The following SSBP3 variants were observed in gnomAD, a reference collection of about 807,000 sequenced individuals.
SSBP3 encodes the protein single stranded DNA binding protein 3.
Under a neutral mutation model 69.6 loss-of-function variants are expected in SSBP3, and 5 were observed. The ratio of observed to expected loss-of-function variants is 0.07; its 90% confidence interval spans 0.04 to 0.15. The LOEUF is 0.15. Among genes scored for constraint, SSBP3 ranks in the 10% least tolerant of loss-of-function variants. The pLI is 1.00. For synonymous variants in SSBP3, 196 were observed against 193.4 expected (o/e 1.01, Z -0.11); for missense variants, 312 against 534.0 (o/e 0.58, Z 4.10).
At chr1:54,272,711 GGCAGAGCAGCTTCCAGGCAC>G (rs1415767641) in intron 5 of SSBP3, among the ~76,000 whole-genome samples, 2 of 152,204 alleles carry the variant, frequency 1.3e-5, no homozygotes, top group Middle Eastern at 3.2e-3. Flanking sequence ...GCCGACCTGC[GGCAGAGCAGCTTCCAGGCAC>G]AGGGAAAAAT....
At chr1:54,289,375 G>A (rs1489684297) in intron 4 of SSBP3, among the ~76,000 whole-genome samples, 2 of 149,794 alleles carry the variant, frequency 1.3e-5, no homozygotes, top group Admixed American at 1.3e-4. Context: ...CTGAGAGGAG[G>A]AGAAACAAGG....
chr1:54,327,274 CAACAACAAG>C (rs1646327123), intron 4 of SSBP3, among the ~76,000 whole-genome samples: 1 of 118,350 alleles, frequency 8.4e-6, no homozygotes, highest in Non-Finnish European at 1.8e-5. Flanking sequence ...GGAAGGAAAA[CAACAACAAG>C]AACAACAACA....
intron 4 of SSBP3, among the ~76,000 whole-genome samples, chr1:54,281,832 C>T (rs982097344): frequency 3.3e-5 from 5 of 152,060 alleles, no homozygotes; most frequent in African/African-American, 4.8e-5. Flanking sequence ...TGTGGTGGCT[C>T]ACAACTAAAA....
chr1:54,244,084 C>G (rs1196245991), intron 9 of SSBP3, among the ~76,000 whole-genome samples: 1 of 151,810 alleles, frequency 6.6e-6, no homozygotes, highest in Non-Finnish European at 1.5e-5. Context: ...CATGCACCAC[C>G]ATGCCCAACT....
At position 54,297,891 on chromosome 1, in the gene SSBP3, G is replaced by C. The variant is rs370440894; in HGVS notation, c.277-16364C>G. ...CAACTAAGCTGCCTGTCTTCCTGAG[G>C]GGGCAGGGATCCAGCTTCTGGGAGC... On this transcript the variant is annotated intron_variant, in intron 4 of 17. Transcript: ENST00000610401. Among the ~76,000 whole-genome samples, 16 of 152,272 alleles carry C rather than the reference G, an allele frequency of 1.1e-4. No homozygotes were observed. In the South Asian group the frequency reaches 3.3e-3, roughly 32 times the overall value.
chr1:54,394,916 G>T (rs553900464), intron 4 of SSBP3, among the ~76,000 whole-genome samples: 1 of 151,906 alleles, frequency 6.6e-6, no homozygotes, highest in East Asian at 1.9e-4. Flanking sequence ...TGTTAGCCAG[G>T]ATGGTCTCGA....
upstream of SSBP3, among the ~76,000 whole-genome samples, chr1:54,408,584 G>C (rs1362538763): frequency 6.6e-6 from 1 of 152,168 alleles, no homozygotes; most frequent in East Asian, 1.9e-4. Flanking sequence ...CAACCAGATT[G>C]GCCATGCCCT....
At chr1:54,281,646 G>A in intron 4 of SSBP3, 119 bp from the exon 5 acceptor site, 1 of 922,444 alleles carries the variant, frequency 1.1e-6, no homozygotes, top group East Asian at 2.6e-5. Context: ...TTCCTCACAG[G>A]CCACTTTCTA....
intron 4 of SSBP3, among the ~76,000 whole-genome samples, chr1:54,378,940 C>G (rs1298539437): frequency 6.6e-6 from 1 of 152,216 alleles, no homozygotes; most frequent in African/African-American, 2.4e-5. Flanking sequence ...GAACATTTTC[C>G]GAGGTGGCTT....
intron 4 of SSBP3, among the ~76,000 whole-genome samples, chr1:54,394,734 G>T (rs557107990): frequency 6.5e-4 from 91 of 139,754 alleles, no homozygotes; most frequent in Non-Finnish European, 1.3e-3. Flanking sequence ...ACGGAGTCTG[G>T]CTCTGTCCCC....
chr1:54,364,086 T>G lies in SSBP3; in HGVS notation c.276+37775A>C, dbSNP rs558696037. Reference sequence around the variant, plus strand: ...CAAAGAGAACACTCTAGAGCTTAGGTTGGCAAACCAGTAAGGCCCAAGGGC... The same window carrying G: ...CAAAGAGAACACTCTAGAGCTTAGGGTGGCAAACCAGTAAGGCCCAAGGGC... On this transcript the variant is annotated intron_variant, in intron 4 of 17. Transcript: ENST00000610401. Among the ~76,000 whole-genome samples the G allele has an allele frequency of 4.6e-5, 7 of 152,358 alleles. No homozygotes were observed. The East Asian group carries it at 1.3e-3, about 29-fold the overall frequency.
At chr1:54,323,916 T>C (rs939372668) in intron 4 of SSBP3, among the ~76,000 whole-genome samples, 1 of 152,228 alleles carries the variant, frequency 6.6e-6, no homozygotes, top group African/African-American at 2.4e-5. Flanking sequence ...AGGTATCCTA[T>C]GTGTCCCCCC....
In SSBP3 at chr1:54,372,464, C is replaced by T. The variant is rs903610176; in HGVS notation, c.276+29397G>A. 2.6e-5 allele frequency among the ~76,000 whole-genome samples: 4 copies of T among 152,138 alleles called. No homozygotes were observed. In the East Asian group the frequency reaches 5.8e-4, roughly 22 times the overall value. On this transcript the variant is annotated intron_variant, in intron 4 of 17. Coordinates refer to ENST00000610401, the Ensembl canonical transcript of SSBP3. ...CCTTCCCAGCCCCTAAAGCAGCCAG[C>T]GACTCCCCTCTCTGGGCTCCCTTCA...
At chr1:54,343,600 G>A (rs1646644195) in intron 4 of SSBP3, among the ~76,000 whole-genome samples, 1 of 152,270 alleles carries the variant, frequency 6.6e-6, no homozygotes, top group Non-Finnish European at 1.5e-5. Context: ...CCCAACCCCT[G>A]GCCTTATGGC....
chr1:54,256,975 C>G lies in SSBP3; in HGVS notation c.507+152G>C, dbSNP rs562690857. ...CATGGGCACAGCGGGGACATGGGGC[C>G]CTCTCTGGGGAACAGCTAGTAAGCT... On this transcript the variant is annotated intron_variant, in intron 7 of 17. Transcript: ENST00000610401. 20 of 750,368 alleles carry G rather than the reference C, an allele frequency of 2.7e-5. No individual in the cohort carries two copies. The Admixed American group carries it at 5.7e-4, about 21-fold the overall frequency. 46.5% of individuals were successfully genotyped at this position (750,368 alleles called of 1,614,324 possible).
intron 4 of SSBP3, among the ~76,000 whole-genome samples, chr1:54,291,509 C>G (rs145888827): frequency 1.3e-5 from 2 of 152,202 alleles, no homozygotes; most frequent in Admixed American, 6.5e-5. Context: ...CGGCGCTGAG[C>G]AGATGCCGTC....
chr1:54,343,642 G>C (rs138416253), intron 4 of SSBP3, among the ~76,000 whole-genome samples: 146 of 152,350 alleles, frequency 9.6e-4, no homozygotes, highest in African/African-American at 3.5e-3. Context: ...TGAATGTGCA[G>C]TGTTCAGAGA....
At chr1:54,276,032 C>G (rs11808195) in intron 5 of SSBP3, among the ~76,000 whole-genome samples, 1 of 152,192 alleles carries the variant, frequency 6.6e-6, no homozygotes, top group African/African-American at 2.4e-5. Flanking sequence ...GGGAAGAGTT[C>G]TCTAGGGACC....
At chr1:54,398,089 A>G (rs1302083769) in intron 4 of SSBP3, among the ~76,000 whole-genome samples, 1 of 152,200 alleles carries the variant, frequency 6.6e-6, no homozygotes, top group Non-Finnish European at 1.5e-5. Context: ...AAAAGCTGAG[A>G]GGCAGAACTA....
Sources: gnomAD v4.1 joint callset for allele counts (sites outside exome capture counted in the v4.1 genomes callset) on GRCh38, gnomAD v4.1.1 for gene constraint, MANE v1.5 for transcripts, NCBI Gene and HGNC (gene_info 2026-07-23, HGNC 2026-07-21) for gene names.